CC2D2A: variants seen among roughly 807,000 people sequenced by gnomAD.
CC2D2A encodes the protein coiled-coil and C2 domain-containing protein 2A.
A neutral mutation model predicts 212.9 loss-of-function variants in CC2D2A; 155 were observed. That is an observed-to-expected ratio of 0.73 (90% CI 0.64 to 0.83). The LOEUF (loss-of-function observed/expected upper bound fraction) is 0.83, where lower values mean the gene tolerates loss of function less well. CC2D2A is among the 40% of genes least tolerant of loss of function. The probability of loss-of-function intolerance (pLI) is 0.00; values close to 1 mark genes in which losing one functional copy is unlikely to be tolerated. For synonymous variants in CC2D2A, 667 were observed against 686.5 expected (o/e 0.97, Z 0.44); for missense variants, 1,856 against 1,956.2 (o/e 0.95, Z 0.97).
At chr4:15,594,326 A>G (rs1459259653) in intron 33 of CC2D2A, among the ~76,000 whole-genome samples, 1 of 152,118 alleles carries the variant, frequency 6.6e-6, no homozygotes, top group Non-Finnish European at 1.5e-5. Flanking sequence ...AACTACTGCC[A>G]CAATAAAGAC....
intron 17 of CC2D2A, among the ~76,000 whole-genome samples, chr4:15,549,675 C>T (rs112011202): frequency 0.05 from 7,613 of 152,160 alleles, 503 homozygotes; most frequent in East Asian, 0.38. Flanking sequence ...TGGTGGTGGG[C>T]GCCTGTAATC....
At chr4:15,589,752 T>C in intron 33 of CC2D2A, 73 bp downstream of exon 33, 1 of 1,033,068 alleles carries the variant, frequency 9.7e-7, no homozygotes, top group Non-Finnish European at 1.3e-6. Flanking sequence ...TTGATTTAAA[T>C]ATTTTATGTA....
At chr4:15,570,059 G>C (rs1720084934) in intron 27 of CC2D2A, among the ~76,000 whole-genome samples, 1 of 152,204 alleles carries the variant, frequency 6.6e-6, no homozygotes, top group Non-Finnish European at 1.5e-5. Flanking sequence ...TGGGGACAGG[G>C]GAGAGGGAGA....
chr4:15,520,450 A>G (rs1717139576), intron 11 of CC2D2A, among the ~76,000 whole-genome samples: 1 of 152,216 alleles, frequency 6.6e-6, no homozygotes. Context: ...CTGTATCATC[A>G]TCCATCCATC....
rs1369384565 is a variant in CC2D2A, at chr4:15,533,173, T to C, written c.1467-20T>C. 1 of 1,567,708 alleles carries C rather than the reference T, an allele frequency of 6.4e-7. No individual in the cohort carries two copies. Among genetic ancestry groups the C allele is most frequent in the Admixed American group, 2.2e-5 (1 of 46,300 alleles). On this transcript the variant is annotated intron_variant, in intron 13 of 36. Transcript: ENST00000424120. Reference sequence around the variant, plus strand: ...CACCTGACTTTTTAATATATACTCATGTGTTATTATATCTTGCAGACAAAC... The same window carrying C: ...CACCTGACTTTTTAATATATACTCACGTGTTATTATATCTTGCAGACAAAC...
chr4:15,520,856 G>T (rs577440832), intron 11 of CC2D2A, among the ~76,000 whole-genome samples: 2 of 152,274 alleles, frequency 1.3e-5, no homozygotes, highest in African/African-American at 4.8e-5. Context: ...GCTTAGCTTT[G>T]CAGGTAACCT....
At chr4:15,541,188 G>A (rs1470403305) in intron 17 of CC2D2A, among the ~76,000 whole-genome samples, 174 bp downstream of exon 17, 14 of 151,864 alleles carry the variant, frequency 9.2e-5, no homozygotes, top group Admixed American at 2.6e-4. Flanking sequence ...GTGTGCTGGC[G>A]GGTGCCTGTA....
chr4:15,594,184 C>T (rs1367509008), intron 33 of CC2D2A, among the ~76,000 whole-genome samples: 1 of 152,120 alleles, frequency 6.6e-6, no homozygotes, highest in Non-Finnish European at 1.5e-5. Context: ...ACCACTGCCC[C>T]CTTACTGGAT....
At chr4:15,513,033 T>C (rs1716662198) in intron 8 of CC2D2A, among the ~76,000 whole-genome samples, 1 of 152,082 alleles carries the variant, frequency 6.6e-6, no homozygotes, top group African/African-American at 2.4e-5. Context: ...CACACTAGGA[T>C]ATTCTAGTAT....
Position 15,567,477 on chromosome 4 carries a change from G to T in CC2D2A, c.3283G>T (p.Gly1095Cys), listed in dbSNP as rs181260724. The change falls in exon 25 of 37, where the codon GGC becomes TGC. Residue 1095 changes from glycine (G) to cysteine (C), a missense_variant. Physicochemically the swap from Gly to Cys is radical, Grantham distance 159. Transcript: ENST00000424120. ...SPTHNADYPL[G>C]QVLVRPFVEV... Reference sequence around the variant, plus strand: ...AACCCACAATGCTGACTACCCCCTCGGCCAGGTGAGAGATGCTGGACTTCA... The same window carrying T: ...AACCCACAATGCTGACTACCCCCTCTGCCAGGTGAGAGATGCTGGACTTCA... 1.3e-5 allele frequency: 21 copies of T among 1,611,614 alleles called. No individual in the cohort carries two copies. The highest frequency in any genetic ancestry group is 1.6e-5 in the Non-Finnish European group (19 of 1,179,002).
At chr4:15,567,296 TC>T in intron 24 of CC2D2A, 80 bp from the exon 25 acceptor site, 1 of 1,090,834 alleles carries the variant, frequency 9.2e-7, no homozygotes, top group Non-Finnish European at 1.4e-6. Context: ...AGACCCTATC[TC>T]AATAAATAAA....
At chr4:15,534,852 A>G (rs1213392471) in intron 14 of CC2D2A, among the ~76,000 whole-genome samples, 1 of 152,186 alleles carries the variant, frequency 6.6e-6, no homozygotes, top group African/African-American at 2.4e-5. Flanking sequence ...GGTCCCTACC[A>G]GAGCACCTGC....
chr4:15,569,089 A>G (rs1220049552), intron 26 of CC2D2A, among the ~76,000 whole-genome samples: 1 of 152,220 alleles, frequency 6.6e-6, no homozygotes, highest in Non-Finnish European at 1.5e-5. Flanking sequence ...TTGTCTCTGC[A>G]TAGAGTCTCT....
At chr4:15,571,517 G>A (rs1720163404) in intron 28 of CC2D2A, among the ~76,000 whole-genome samples, 3 of 151,704 alleles carry the variant, frequency 2.0e-5, no homozygotes. Flanking sequence ...CAAGACCAAT[G>A]GTGTGAACCC....
intron 10 of CC2D2A, among the ~76,000 whole-genome samples, chr4:15,516,247 C>A (rs1196420050): frequency 6.6e-6 from 1 of 152,126 alleles, no homozygotes; most frequent in Non-Finnish European, 1.5e-5. Flanking sequence ...TCCTGCTAAA[C>A]CAGATCCTGG....
chr4:15,500,107 G>GTGTGTCTATATATATATATATA (rs1479141284), intron 4 of CC2D2A, among the ~76,000 whole-genome samples: 1 of 112,932 alleles, frequency 8.9e-6, no homozygotes, highest in African/African-American at 3.6e-5. Context: ...GTGTGTGTGT[G>GTGTGTCTATATATATATATATA]TATATATATA....
intron 13 of CC2D2A, among the ~76,000 whole-genome samples, chr4:15,530,011 G>A (rs533295395): frequency 1.3e-5 from 2 of 148,344 alleles, no homozygotes; most frequent in East Asian, 2.0e-4. Context: ...TCACTCTGTC[G>A]CCCAGGCTGG....
At chr4:15,529,096 T>C (rs921226960) in intron 13 of CC2D2A, among the ~76,000 whole-genome samples, 9 of 152,196 alleles carry the variant, frequency 5.9e-5, no homozygotes, top group Admixed American at 4.6e-4. Context: ...TGTGCAAAGA[T>C]ATGCACAGCA....
intron 27 of CC2D2A, among the ~76,000 whole-genome samples, chr4:15,569,618 C>T (rs954805692): frequency 6.6e-5 from 10 of 151,914 alleles, no homozygotes; most frequent in Admixed American, 2.0e-4. Flanking sequence ...AGGGTGTTCT[C>T]GAAAGTAAGA....
Sources: allele counts gnomAD v4.1 joint callset (sites outside exome capture counted in the v4.1 genomes callset), GRCh38; gene constraint gnomAD v4.1.1; transcripts MANE v1.5; gene names NCBI Gene and HGNC (gene_info 2026-07-23, HGNC 2026-07-21).